The following CSMD1 variants were observed in gnomAD, a reference collection of about 807,000 sequenced individuals.
The protein encoded by CSMD1 is CUB and sushi domain-containing protein 1.
A neutral mutation model predicts 417.5 loss-of-function variants in CSMD1; 213 were observed. The observed-to-expected ratio is 0.51, with a 90% CI of 0.46 to 0.57. CSMD1 has a LOEUF of 0.57. Among genes scored for constraint, CSMD1 ranks in the 20% least tolerant of loss-of-function variants. The probability of loss-of-function intolerance (pLI) is 0.00; values close to 1 mark genes in which losing one functional copy is unlikely to be tolerated. For synonymous variants in CSMD1, 2,862 were observed against 1,736.8 expected, an observed-to-expected ratio of 1.65 and a Z score of -16.11; for missense variants, 6,923 against 4,529.7, an observed-to-expected ratio of 1.53 and a Z score of -15.17.
chr8:4,819,702 A>G (rs889815611), intron 1 of CSMD1, among the ~76,000 whole-genome samples: 5 of 152,116 alleles, frequency 3.3e-5, no homozygotes, highest in Non-Finnish European at 5.9e-5. Context: ...CAGTGTTTCT[A>G]CAGAGTTCTT....
intron 4 of CSMD1, among the ~76,000 whole-genome samples, chr8:4,006,745 G>C (rs1011994533): frequency 7.3e-5 from 11 of 151,638 alleles, no homozygotes; most frequent in Non-Finnish European, 1.5e-4. Flanking sequence ...GGAACCAGAA[G>C]GAACTCACCA....
chr8:3,947,401 C>A (rs1811304185), intron 5 of CSMD1, among the ~76,000 whole-genome samples: 1 of 152,128 alleles, frequency 6.6e-6, no homozygotes, highest in Non-Finnish European at 1.5e-5. Context: ...ACGTGCTATC[C>A]TTTTTATAAA....
rs542849823 is a variant in CSMD1, at chr8:3,392,093, C to A, written c.2593+4101G>T. On this transcript the variant is annotated intron_variant, in intron 17 of 69. Transcript: ENST00000635120. ...GATCCAGGAAGGGGAACATCACACA[C>A]CAGGGCCTGTTGTGCGGTGGGGGGA... Among the ~76,000 whole-genome samples the A allele has an allele frequency of 3.0e-4, 37 of 124,658 alleles. 1 individual carries two copies. Among genetic ancestry groups the A allele is most frequent in the Middle Eastern group, 0.01 (2 of 200 alleles). The allele number at this position is 124,658 out of a possible 152,430, so 81.8% of individuals were successfully genotyped here.
chr8:4,511,223 C>G (rs1473629080), intron 2 of CSMD1, among the ~76,000 whole-genome samples: 2 of 152,068 alleles, frequency 1.3e-5, no homozygotes. Flanking sequence ...TTTAACCTGT[C>G]CCAAAAGAAA....
At chr8:4,561,410 C>T (rs1206296791) in intron 2 of CSMD1, among the ~76,000 whole-genome samples, 1 of 152,146 alleles carries the variant, frequency 6.6e-6, no homozygotes, top group Admixed American at 6.6e-5. Context: ...TGGCCAGGCA[C>T]AGTGGCTCAT....
At chr8:3,606,058 G>A (rs768139953) in intron 8 of CSMD1, among the ~76,000 whole-genome samples, 1 of 152,186 alleles carries the variant, frequency 6.6e-6, no homozygotes. Context: ...TGAGATGATA[G>A]TAACATAAAT....
At chr8:3,068,108 T>G (rs77983818) in intron 49 of CSMD1, among the ~76,000 whole-genome samples, 2 of 152,142 alleles carry the variant, frequency 1.3e-5, no homozygotes, top group African/African-American at 4.8e-5. Flanking sequence ...ATGCCTCAAT[T>G]ATTTCAGATT....
At chr8:3,830,201 T>G (rs1802294455) in intron 5 of CSMD1, among the ~76,000 whole-genome samples, 1 of 152,186 alleles carries the variant, frequency 6.6e-6, no homozygotes, top group Non-Finnish European at 1.5e-5. Flanking sequence ...GAACAAGGAT[T>G]GTTTGAGGTA....
chr8:3,841,990 C>A (rs527879080), intron 5 of CSMD1, among the ~76,000 whole-genome samples: 5 of 152,152 alleles, frequency 3.3e-5, no homozygotes, highest in Non-Finnish European at 5.9e-5. Context: ...CATCGTGTTG[C>A]AGCATCAATT....
intron 3 of CSMD1, among the ~76,000 whole-genome samples, chr8:4,412,933 C>T (rs549221116): frequency 1.3e-5 from 2 of 152,138 alleles, no homozygotes; most frequent in Non-Finnish European, 2.9e-5. Context: ...AAAGTTGACG[C>T]CTCAGGTTAA....
At chr8:4,657,960 G>T (rs1368753520) in intron 1 of CSMD1, among the ~76,000 whole-genome samples, 1 of 147,062 alleles carries the variant, frequency 6.8e-6, no homozygotes, top group South Asian at 2.2e-4. Flanking sequence ...CTCATGAGAA[G>T]GTTTCAAAAG....
chr8:3,977,542 C>T (rs909134795), intron 5 of CSMD1, among the ~76,000 whole-genome samples: 6 of 152,084 alleles, frequency 3.9e-5, no homozygotes, highest in Admixed American at 3.9e-4. Flanking sequence ...CTGTTCAGAG[C>T]AGCAAACATT....
chr8:3,322,974 A>G (rs985281512), intron 23 of CSMD1, among the ~76,000 whole-genome samples: 2 of 152,148 alleles, frequency 1.3e-5, no homozygotes, highest in African/African-American at 4.8e-5. Flanking sequence ...ACTTAATGAC[A>G]CTGAAGCCTT....
intron 1 of CSMD1, among the ~76,000 whole-genome samples, chr8:4,681,846 G>A (rs962383573): frequency 6.6e-6 from 1 of 151,998 alleles, no homozygotes; most frequent in African/African-American, 2.4e-5. Context: ...TTTCTCCTCC[G>A]TAAGGTGAGG....
intron 3 of CSMD1, among the ~76,000 whole-genome samples, chr8:4,276,550 C>T (rs149598420): frequency 6.6e-6 from 1 of 152,006 alleles, no homozygotes; most frequent in Non-Finnish European, 1.5e-5. Flanking sequence ...ACGTAACAAA[C>T]CTGCACGTTC....
At chr8:4,838,236 G>A (rs898077702) in intron 1 of CSMD1, among the ~76,000 whole-genome samples, 1 of 152,132 alleles carries the variant, frequency 6.6e-6, no homozygotes, top group African/African-American at 2.4e-5. Context: ...TTTCGTTCTG[G>A]GTTTTATTCA....
intron 26 of CSMD1, among the ~76,000 whole-genome samples, chr8:3,254,033 T>A (rs1186757082): frequency 1.3e-5 from 2 of 152,348 alleles, no homozygotes; most frequent in East Asian, 3.9e-4. Flanking sequence ...TTTCCATGTT[T>A]AGTGCTTCCT....
intron 3 of CSMD1, among the ~76,000 whole-genome samples, chr8:4,076,349 C>G (rs1330574651): frequency 6.6e-6 from 1 of 152,178 alleles, no homozygotes; most frequent in African/African-American, 2.4e-5. Flanking sequence ...GTCAATCAAA[C>G]CTCTTTCCTT....
chr8:4,888,711 G>A (rs1016951524), intron 1 of CSMD1, among the ~76,000 whole-genome samples: 5 of 152,020 alleles, frequency 3.3e-5, no homozygotes, highest in East Asian at 1.9e-4. Context: ...TTCCATGGCC[G>A]GTGCAGGGAA....
Sources: allele counts gnomAD v4.1 joint callset (sites outside exome capture counted in the v4.1 genomes callset), GRCh38; gene constraint gnomAD v4.1.1; transcripts MANE v1.5; gene names NCBI Gene and HGNC (gene_info 2026-07-23, HGNC 2026-07-21).